Variants in DCAF6 observed in about 807,000 individuals in gnomAD.
DCAF6 encodes DDB1- and CUL4-associated factor 6.
DCAF6 carries 54 observed loss-of-function variants against 125.1 expected under a neutral mutation model. That is an observed-to-expected ratio of 0.43 (90% CI 0.35 to 0.54). DCAF6 has a LOEUF of 0.54. Among genes scored for constraint, DCAF6 ranks in the 20% least tolerant of loss-of-function variants. DCAF6 has a pLI of 0.01. For synonymous variants in DCAF6, 371 were observed against 390.4 expected (o/e 0.95, Z 0.58); for missense variants, 934 against 1,161.7 (o/e 0.80, Z 2.85).
intron 14 of DCAF6, 138 bp from the exon 15 acceptor site, chr1:168,044,447 G>T (rs566175645): frequency 1.5e-6 from 1 of 654,928 alleles, no homozygotes; most frequent in East Asian, 2.6e-5. Context: ...ATAAGGAAGG[G>T]TATGCATAGG....
chr1:167,924,546 A>T, the DCAF6 span: 3 of 1,526,920 alleles, frequency 2.0e-6, no homozygotes, highest in Non-Finnish European at 2.6e-6. Flanking sequence ...ACCTGAAAAA[A>T]AAAAGAAAAG....
intron 1 of DCAF6, among the ~76,000 whole-genome samples, chr1:167,944,217 T>C (rs1012524308): frequency 3.9e-5 from 6 of 152,238 alleles, no homozygotes; most frequent in African/African-American, 1.2e-4. Flanking sequence ...TGTTCATCCA[T>C]TGATGGACAC....
chr1:167,894,974 A>G, the DCAF6 span, among the ~76,000 whole-genome samples: 1 of 152,016 alleles, frequency 6.6e-6, no homozygotes, highest in South Asian at 2.1e-4. Context: ...CATGAGGTCA[A>G]GAGATGGAGA....
At chr1:167,925,440 C>CACATATATATATAT in the DCAF6 span, among the ~76,000 whole-genome samples, 1 of 49,660 alleles carries the variant, frequency 2.0e-5, no homozygotes, top group African/African-American at 8.8e-5. Context: ...TATACATATA[C>CACATATATATATAT]ACATATATAT....
intron 4 of DCAF6, among the ~76,000 whole-genome samples, chr1:167,984,073 G>C (rs28757774): frequency 0.019 from 2,831 of 152,218 alleles, 78 homozygotes; most frequent in African/African-American, 0.064. Context: ...GTGGCTCAAG[G>C]CTCACTATTC....
intron 7 of DCAF6, among the ~76,000 whole-genome samples, chr1:168,000,024 T>C (rs73026155): frequency 2.6e-5 from 4 of 152,112 alleles, no homozygotes; most frequent in Non-Finnish European, 4.4e-5. Context: ...TGATTTAAAG[T>C]GAAAGGCATA....
chr1:167,969,192 C>T (rs1676923274), intron 3 of DCAF6: 1 of 151,692 alleles, frequency 6.6e-6, no homozygotes, highest in Admixed American at 6.6e-5. Context: ...ACATTTTTGT[C>T]TATTAATTTA....
rs1168077249 is a variant in DCAF6, at chr1:168,044,933, A to G, written c.1964A>G (p.Asp655Gly). Reference sequence around the variant, plus strand: ...GATAAGTTCACAGCCAAGCCATTGGATTCCAACTCAGGAGAAAGAAATGAC... The same window carrying G: ...GATAAGTTCACAGCCAAGCCATTGGGTTCCAACTCAGGAGAAAGAAATGAC... ...QSDKFTAKPL[D>G]SNSGERNDLN... The change falls in exon 16 of 22, where the codon GAT becomes GGT. Residue 655 changes from aspartate (D) to glycine (G), a missense_variant. Physicochemically the swap from Asp to Gly is moderately conservative, Grantham distance 94 (BLOSUM62 -1). Around this residue, in one of 5 missense-constraint regions of DCAF6, gnomAD observed 559 missense variants for 635.5 expected, o/e 0.88. Coordinates refer to ENST00000367840, the MANE Select transcript of DCAF6 (RefSeq NM_001198956.2). 1.2e-6 allele frequency: 2 copies of G among 1,613,938 alleles called. No individual in the cohort carries two copies. Among genetic ancestry groups the G allele is most frequent in the Non-Finnish European group, 1.7e-6 (2 of 1,179,952 alleles).
chr1:167,925,472 TATAC>T, the DCAF6 span, among the ~76,000 whole-genome samples: 2,977 of 101,634 alleles, frequency 0.029, 38 homozygotes, highest in Non-Finnish European at 0.036. Context: ...TATATATATA[TATAC>T]ATATACATAT....
intron 17 of DCAF6, among the ~76,000 whole-genome samples, chr1:168,057,642 A>G (rs984291918): frequency 1.3e-5 from 2 of 152,206 alleles, no homozygotes; most frequent in Admixed American, 1.3e-4. Context: ...TAATGATAAC[A>G]CAACGCCTAC....
chr1:168,040,371 A>G (rs750500517), intron 13 of DCAF6, among the ~76,000 whole-genome samples: 1 of 151,976 alleles, frequency 6.6e-6, no homozygotes, highest in Non-Finnish European at 1.5e-5. Flanking sequence ...ATTTCTGGTT[A>G]TTGTGTTGAG....
At chr1:167,952,401 A>G (rs1181684607) in intron 2 of DCAF6, among the ~76,000 whole-genome samples, 1 of 151,966 alleles carries the variant, frequency 6.6e-6, no homozygotes, top group Non-Finnish European at 1.5e-5. Context: ...TGTATTTTTT[A>G]GTAGAGACAG....
chr1:167,981,902 G>C (rs1203886943), intron 4 of DCAF6, among the ~76,000 whole-genome samples: 1 of 152,228 alleles, frequency 6.6e-6, no homozygotes, highest in Admixed American at 6.5e-5. Context: ...CCAGGATTGG[G>C]ATTGCTGGGT....
At chr1:167,895,507 T>G in the DCAF6 span, among the ~76,000 whole-genome samples, 53 of 152,348 alleles carry the variant, frequency 3.5e-4, no homozygotes, top group Non-Finnish European at 7.1e-4. Context: ...ATGTTTCTGA[T>G]GTTTCTCACT....
At chr1:167,935,299 G>A (rs1001100366), upstream of DCAF6, among the ~76,000 whole-genome samples, 3 of 152,228 alleles carry the variant, frequency 2.0e-5, no homozygotes, top group African/African-American at 7.2e-5. Context: ...AGCAGCAGCT[G>A]AAGAAAGTGA....
At chr1:168,009,175 CT>C (rs951005630) in intron 10 of DCAF6, among the ~76,000 whole-genome samples, 17 of 151,180 alleles carry the variant, frequency 1.1e-4, no homozygotes, top group Non-Finnish European at 1.0e-4. Context: ...ATTTTTTATA[CT>C]TTTAGTAGAG....
chr1:167,898,341 C>A, the DCAF6 span, among the ~76,000 whole-genome samples: 10 of 152,172 alleles, frequency 6.6e-5, no homozygotes, highest in East Asian at 1.7e-3. Context: ...TGGCTTACAC[C>A]TATAATCCCA....
Position 168,023,915 on chromosome 1 carries a change from C to T in DCAF6, c.1609+868C>T, listed in dbSNP as rs1685981222. 2.0e-5 allele frequency: 3 copies of T among 151,994 alleles called. No homozygotes were observed. The South Asian group carries it at 6.2e-4, about 31-fold the overall frequency. The allele number at this position is 151,994 out of a possible 1,614,324, so 9.4% of individuals were successfully genotyped here. A position where few individuals can be genotyped will look rare whatever the true frequency, so the allele number is the denominator to read the frequency against. ...TGATTTAACACGATATTCACTTTCT[C>T]TATTTAAAAAGGCAGATAGCTGGAC... On this transcript the variant is annotated intron_variant, in intron 12 of 21. Coordinates refer to ENST00000367840, the MANE Select transcript of DCAF6 (RefSeq NM_001198956.2).
chr1:167,969,997 G>A (rs1677052179), intron 3 of DCAF6, among the ~76,000 whole-genome samples: 1 of 152,108 alleles, frequency 6.6e-6, no homozygotes, highest in Non-Finnish European at 1.5e-5. Context: ...GGCTGGTCTC[G>A]AACTCCTGAG....
Sources: allele counts gnomAD v4.1 joint callset (sites outside exome capture counted in the v4.1 genomes callset), GRCh38; gene constraint gnomAD v4.1.1; regional missense constraint gnomAD v4.1.1; transcripts MANE v1.5; gene names NCBI Gene and HGNC (gene_info 2026-07-23, HGNC 2026-07-21).